The following TAF3 variants were observed in gnomAD, a reference collection of about 807,000 sequenced individuals.
The protein encoded by TAF3 is transcription initiation factor TFIID subunit 3.
TAF3 carries 7 observed loss-of-function variants against 80.6 expected under a neutral mutation model. That is an observed-to-expected ratio of 0.09 (90% CI 0.05 to 0.16). TAF3 has a LOEUF of 0.16. TAF3 is among the 10% of genes least tolerant of loss of function. TAF3 has a pLI of 1.00. For synonymous variants in TAF3, 444 were observed against 446.1 expected (o/e 1.00, Z 0.06); for missense variants, 921 against 1,140.2 (o/e 0.81, Z 2.77).
intron 4 of TAF3, among the ~76,000 whole-genome samples, chr10:7,992,488 G>T (rs565804686): frequency 2.6e-5 from 4 of 152,286 alleles, no homozygotes; most frequent in African/African-American, 9.6e-5. Context: ...AAATTATAAA[G>T]AAGTTCAAGG....
intron 2 of TAF3, among the ~76,000 whole-genome samples, chr10:7,865,238 C>T (rs1262547158): frequency 5.3e-5 from 8 of 151,928 alleles, no homozygotes; most frequent in African/African-American, 9.7e-5. Context: ...GAGGCCGAGG[C>T]GGGCGGATCA....
intron 2 of TAF3, among the ~76,000 whole-genome samples, chr10:7,949,376 A>T (rs1315383534): frequency 1.3e-5 from 2 of 152,226 alleles, no homozygotes; most frequent in Admixed American, 1.3e-4. Flanking sequence ...TACCAGGCCT[A>T]CTCATGGATG....
chr10:7,860,965 AT>A (rs924650790), intron 2 of TAF3, among the ~76,000 whole-genome samples: 126 of 143,328 alleles, frequency 8.8e-4, no homozygotes, highest in Middle Eastern at 3.6e-3. Context: ...TGCCCAGCTA[AT>A]TTTTTTTTTT....
chr10:7,999,288 C>G (rs1307194949), intron 4 of TAF3, among the ~76,000 whole-genome samples: 12 of 152,016 alleles, frequency 7.9e-5, no homozygotes. Context: ...AAATCTTACT[C>G]TTAGGAAATT....
chr10:7,985,729 TC>T (rs1332913620), intron 4 of TAF3, among the ~76,000 whole-genome samples: 1 of 151,768 alleles, frequency 6.6e-6, no homozygotes, highest in Non-Finnish European at 1.5e-5. Flanking sequence ...AACTTCCTGT[TC>T]CTTTGATTTT....
intron 4 of TAF3, among the ~76,000 whole-genome samples, chr10:7,981,320 T>C (rs1340751247): frequency 6.6e-6 from 1 of 152,128 alleles, no homozygotes; most frequent in African/African-American, 2.4e-5. Flanking sequence ...CCCAGGTCCA[T>C]GGTGAGCAGC....
chr10:7,973,589 G>C (rs930555278), intron 3 of TAF3, among the ~76,000 whole-genome samples: 1 of 152,188 alleles, frequency 6.6e-6, no homozygotes, highest in Non-Finnish European at 1.5e-5. Context: ...CAGTTTACCT[G>C]TAAAATGAAA....
intron 2 of TAF3, among the ~76,000 whole-genome samples, chr10:7,890,306 A>G (rs1294863648): frequency 6.6e-6 from 1 of 152,162 alleles, no homozygotes; most frequent in African/African-American, 2.4e-5. Context: ...AGCCTCTCCC[A>G]GGTACCAAGC....
intron 2 of TAF3, among the ~76,000 whole-genome samples, chr10:7,948,796 C>T (rs1157189514): frequency 6.6e-6 from 1 of 152,218 alleles, no homozygotes; most frequent in African/African-American, 2.4e-5. Flanking sequence ...CTTACCAGTT[C>T]AAACTTGAGT....
chr10:7,898,860 T>G (rs1452721321), intron 2 of TAF3, among the ~76,000 whole-genome samples: 1 of 152,156 alleles, frequency 6.6e-6, no homozygotes, highest in Non-Finnish European at 1.5e-5. Context: ...TGTTGTGGAT[T>G]GCTGGGTGTG....
chr10:7,850,732 T>C (rs1837019598), intron 2 of TAF3, among the ~76,000 whole-genome samples: 3 of 151,778 alleles, frequency 2.0e-5, no homozygotes, highest in African/African-American at 7.3e-5. Flanking sequence ...CATACACTAA[T>C]ACGATTTAAA....
intron 4 of TAF3, among the ~76,000 whole-genome samples, chr10:7,999,318 G>A (rs1027946534): frequency 9.9e-5 from 15 of 151,716 alleles, no homozygotes; most frequent in African/African-American, 3.6e-4. Flanking sequence ...ATGTGGATGA[G>A]AGAGACAGAT....
intron 2 of TAF3, among the ~76,000 whole-genome samples, chr10:7,898,693 CAGAA>C (rs906185011): frequency 2.6e-5 from 4 of 152,052 alleles, no homozygotes; most frequent in Admixed American, 2.0e-4. Flanking sequence ...TGTGCAAAAG[CAGAA>C]AGAAAGAGGT....
At chr10:7,938,855 C>T (rs561641165) in intron 2 of TAF3, among the ~76,000 whole-genome samples, 15 of 152,220 alleles carry the variant, frequency 9.9e-5, no homozygotes, top group Admixed American at 2.6e-4. Flanking sequence ...CCTGAGGGAG[C>T]GGAGATTTCT....
chr10:7,996,645 G>GT (rs200029651), intron 4 of TAF3, among the ~76,000 whole-genome samples: 208 of 151,432 alleles, frequency 1.4e-3, no homozygotes, highest in East Asian at 2.1e-3. Flanking sequence ...TGTGAGGGGG[G>GT]TTTTTTTTGT....
intron 2 of TAF3, among the ~76,000 whole-genome samples, chr10:7,943,701 G>C (rs1837997447): frequency 6.6e-6 from 1 of 152,158 alleles, no homozygotes; most frequent in African/African-American, 2.4e-5. Flanking sequence ...TTTCACTTCT[G>C]TACCAACCAA....
chr10:7,819,144 G>A (rs1451275251), intron 1 of TAF3, among the ~76,000 whole-genome samples: 3 of 152,024 alleles, frequency 2.0e-5, no homozygotes, highest in African/African-American at 7.2e-5. Flanking sequence ...CCGCTCCTCC[G>A]CTCTGAATTG....
intron 2 of TAF3, among the ~76,000 whole-genome samples, chr10:7,856,368 T>C (rs1232510343): frequency 1.3e-5 from 2 of 151,952 alleles, no homozygotes; most frequent in Non-Finnish European, 2.9e-5. Context: ...TAATCCCAGC[T>C]ACTCGGGAGG....
chr10:7,942,078 C>A (rs2131206834), intron 2 of TAF3, among the ~76,000 whole-genome samples: 1 of 152,216 alleles, frequency 6.6e-6, no homozygotes, highest in South Asian at 2.1e-4. Flanking sequence ...TCAGTTATAT[C>A]TCAAGAGGTG....
Sources: allele counts gnomAD v4.1 joint callset (sites outside exome capture counted in the v4.1 genomes callset), GRCh38; gene constraint gnomAD v4.1.1; transcripts MANE v1.5; gene names NCBI Gene and HGNC (gene_info 2026-07-23, HGNC 2026-07-21).